Variants in SDK1 observed in about 807,000 individuals in gnomAD.
SDK1 encodes the protein sidekick cell adhesion molecule 1.
A neutral mutation model predicts 245.5 loss-of-function variants in SDK1; 157 were observed. The ratio of observed to expected loss-of-function variants is 0.64; its 90% CI spans 0.56 to 0.73. The LOEUF (loss-of-function observed/expected upper bound fraction) is 0.73, where lower values mean the gene tolerates loss of function less well. Among genes scored for constraint, SDK1 ranks in the 30% least tolerant of loss-of-function variants. SDK1 has a pLI of 0.00. For missense variants in SDK1, 3,583 were observed against 3,002.3 expected, an observed-to-expected ratio of 1.19 and a Z score of -4.52; for synonymous variants, 1,647 against 1,278.5, an observed-to-expected ratio of 1.29 and a Z score of -6.15.
intron 14 of SDK1, among the ~76,000 whole-genome samples, chr7:3,993,649 G>T (rs1057448798): frequency 2.6e-5 from 4 of 152,146 alleles, no homozygotes; most frequent in African/African-American, 9.7e-5. Context: ...TCCCACATAT[G>T]TTGAAAGCCA....
At chr7:4,198,416 C>G (rs1342074385) in intron 35 of SDK1, among the ~76,000 whole-genome samples, 3 of 152,226 alleles carry the variant, frequency 2.0e-5, no homozygotes, top group Non-Finnish European at 4.4e-5. Flanking sequence ...CTTGACGCAC[C>G]AGCTCCCAGT....
chr7:4,180,056 A>G (rs1782499443), intron 35 of SDK1, among the ~76,000 whole-genome samples: 1 of 152,072 alleles, frequency 6.6e-6, no homozygotes, highest in Non-Finnish European at 1.5e-5. Context: ...CAGAGAAAAG[A>G]GCTTCAGCAA....
intron 4 of SDK1, among the ~76,000 whole-genome samples, chr7:3,757,140 G>A (rs1779955537): frequency 6.6e-6 from 1 of 152,022 alleles, no homozygotes; most frequent in Admixed American, 6.6e-5. Context: ...CACATTGAGG[G>A]CTCAAAACTA....
At chr7:4,022,447 C>T (rs953294481) in intron 17 of SDK1, among the ~76,000 whole-genome samples, 5 of 152,166 alleles carry the variant, frequency 3.3e-5, no homozygotes, top group African/African-American at 4.8e-5. Context: ...GATGGTGCAG[C>T]GTGCGCTACC....
At position 3,847,057 on chromosome 7, in the gene SDK1, C is replaced by CT. The variant is rs796288879; in HGVS notation, c.847+25485dup. Among the ~76,000 whole-genome samples, 666 of 146,062 alleles carry CT rather than the reference C, an allele frequency of 4.6e-3. 11 individuals carry two copies. Among genetic ancestry groups the CT allele is most frequent in the South Asian group, 0.019 (86 of 4,568 alleles). On this transcript the variant is annotated intron_variant, in intron 5 of 44. Transcript: ENST00000404826. Reference sequence around the variant, plus strand: ...GCTGCCGCTTAGTGTAATCACGCTTCTTTTTTTTTTTGCTTTCCCATTAAG... The same window carrying CT: ...GCTGCCGCTTAGTGTAATCACGCTTCTTTTTTTTTTTTGCTTTCCCATTAAG...
chr7:4,092,141 T>G (rs34024211), intron 22 of SDK1, among the ~76,000 whole-genome samples: 44,393 of 151,960 alleles, frequency 0.29, 8,075 homozygotes, highest in African/African-American at 0.52. Flanking sequence ...CATAAAGCCC[T>G]AATAACAGTG....
chr7:3,682,456 A>T (rs1360856658), intron 4 of SDK1, among the ~76,000 whole-genome samples: 1 of 152,290 alleles, frequency 6.6e-6, no homozygotes, highest in South Asian at 2.1e-4. Context: ...GGTATCTGGA[A>T]CAAAGCTAAT....
At chr7:3,868,925 C>T (rs571393092) in intron 5 of SDK1, among the ~76,000 whole-genome samples, 57 of 152,140 alleles carry the variant, frequency 3.7e-4, no homozygotes, top group African/African-American at 1.0e-3. Context: ...ATCATTGCTC[C>T]GTATGAGAAA....
At chr7:3,928,305 G>A (rs1327464020) in intron 5 of SDK1, among the ~76,000 whole-genome samples, 2 of 151,984 alleles carry the variant, frequency 1.3e-5, no homozygotes, top group Admixed American at 1.3e-4. Flanking sequence ...TATTTATTTT[G>A]CAGTATAAAA....
chr7:4,003,683 C>G (rs1785242776), intron 14 of SDK1, among the ~76,000 whole-genome samples: 2 of 152,240 alleles, frequency 1.3e-5, no homozygotes, highest in Non-Finnish European at 2.9e-5. Flanking sequence ...ACTGCTGATG[C>G]TTGCTAGACC....
chr7:4,227,676 T>C (rs995152655), intron 40 of SDK1, among the ~76,000 whole-genome samples: 1 of 152,238 alleles, frequency 6.6e-6, no homozygotes, highest in Non-Finnish European at 1.5e-5. Flanking sequence ...CCTGTTTAAT[T>C]GTCCATGAAA....
chr7:3,568,677 A>G (rs1160229361), intron 1 of SDK1, among the ~76,000 whole-genome samples: 1 of 152,218 alleles, frequency 6.6e-6, no homozygotes, highest in Non-Finnish European at 1.5e-5. Flanking sequence ...AGACAGAGCC[A>G]TTATAATTTA....
At chr7:3,610,026 T>C (rs1369331321) in intron 1 of SDK1, among the ~76,000 whole-genome samples, 2 of 152,190 alleles carry the variant, frequency 1.3e-5, no homozygotes, top group Non-Finnish European at 2.9e-5. Flanking sequence ...AACCCAGGGC[T>C]CCAAAGTACT....
chr7:4,018,876 G>A (rs1786642313), intron 17 of SDK1, among the ~76,000 whole-genome samples: 1 of 152,162 alleles, frequency 6.6e-6, no homozygotes. Flanking sequence ...GCAGAGAATG[G>A]CAGCAGGGAC....
At chr7:4,038,042 G>A (rs1019971242) in intron 17 of SDK1, among the ~76,000 whole-genome samples, 2 of 152,166 alleles carry the variant, frequency 1.3e-5, no homozygotes, top group African/African-American at 4.8e-5. Context: ...CCCCAGTGCT[G>A]GCACATAGGC....
rs1421798056 is a variant in SDK1 at position 4,265,742 on chromosome 7, G to A, written c.*358G>A. ...AACTAGGAAGGGTCAAGCGGGGAGA[G>A]GGAGTGGAGGGTCAGGTGAGATCTC... On this transcript the variant is annotated 3_prime_UTR_variant, in exon 45 of 45. Transcript: ENST00000404826. 2 of 1,056,280 alleles carry A rather than the reference G, an allele frequency of 1.9e-6. No individual in the cohort carries two copies. The highest frequency in any genetic ancestry group is 1.1e-4 in the Admixed American group (2 of 18,444). The allele number at this position is 1,056,280 out of a possible 1,614,324, so 65.4% of individuals were successfully genotyped here.
At chr7:4,030,171 C>G (rs1420607933) in intron 17 of SDK1, among the ~76,000 whole-genome samples, 1 of 152,216 alleles carries the variant, frequency 6.6e-6, no homozygotes, top group African/African-American at 2.4e-5. Context: ...AGGAGCAGAG[C>G]CAGAGGGGCA....
intron 1 of SDK1, among the ~76,000 whole-genome samples, chr7:3,474,680 C>T (rs372591481): frequency 3.2e-4 from 49 of 152,078 alleles, no homozygotes; most frequent in African/African-American, 1.1e-3. Context: ...CATCTCGCAC[C>T]TGGGTCATTA....
intron 43 of SDK1, among the ~76,000 whole-genome samples, chr7:4,243,875 T>C (rs541343335): frequency 1.3e-5 from 2 of 152,314 alleles, no homozygotes; most frequent in South Asian, 4.1e-4. Context: ...CCCCAAAATA[T>C]CTTAGAAATA....
Sources: gnomAD v4.1 joint callset for allele counts (sites outside exome capture counted in the v4.1 genomes callset) on GRCh38, gnomAD v4.1.1 for gene constraint, MANE v1.5 for transcripts, NCBI Gene and HGNC (gene_info 2026-07-23, HGNC 2026-07-21) for gene names.